The following TCF4 variants were observed in gnomAD, a reference collection of about 807,000 sequenced individuals.
TCF4 encodes transcription factor 4, also known as SL3-3 enhancer factor 2.
Under a neutral mutation model 82.1 loss-of-function variants are expected in TCF4, and 3 were observed. The observed-to-expected ratio is 0.04, with a 90% CI of 0.02 to 0.09. The LOEUF (loss-of-function observed/expected upper bound fraction) is 0.09. TCF4 is among the 10% of genes least tolerant of loss of function. The pLI, the probability that TCF4 is intolerant of heterozygous loss-of-function variation, is 1.00. For missense variants in TCF4, 518 were observed against 852.7 expected (o/e 0.61, Z 4.89); for synonymous variants, 276 against 309.6 (o/e 0.89, Z 1.14).
intron 6 of TCF4, among the ~76,000 whole-genome samples, chr18:55,358,117 T>C (rs2084061504): frequency 6.6e-6 from 1 of 152,212 alleles, no homozygotes; most frequent in African/African-American, 2.4e-5. Flanking sequence ...AACTAGAGGA[T>C]ATGGCAGCTA....
intron 8 of TCF4, among the ~76,000 whole-genome samples, chr18:55,348,919 G>A (rs1434841188): frequency 1.3e-5 from 2 of 152,090 alleles, no homozygotes; most frequent in Non-Finnish European, 2.9e-5. Context: ...TGTTTAAAAT[G>A]TAAACAGCTG....
intron 15 of TCF4, among the ~76,000 whole-genome samples, chr18:55,241,098 A>G (rs753230916): frequency 7.2e-5 from 11 of 152,234 alleles, no homozygotes; most frequent in Non-Finnish European, 1.5e-4. Flanking sequence ...CTATCATATG[A>G]TCAGCTGGGC....
intron 3 of TCF4, among the ~76,000 whole-genome samples, chr18:55,523,038 A>C (rs146522220): frequency 1.3e-5 from 2 of 152,228 alleles, no homozygotes; most frequent in Admixed American, 6.5e-5. Flanking sequence ...ATAAAACTAG[A>C]AAACAGTTAT....
chr18:55,528,892 C>A (rs1269081337), intron 3 of TCF4, among the ~76,000 whole-genome samples: 1 of 152,106 alleles, frequency 6.6e-6, no homozygotes, highest in Admixed American at 6.5e-5. Flanking sequence ...CAACAAAAGA[C>A]CTTGGCTGGA....
At chr18:55,524,314 G>T (rs1242691090) in intron 3 of TCF4, among the ~76,000 whole-genome samples, 1 of 151,704 alleles carries the variant, frequency 6.6e-6, no homozygotes, top group Non-Finnish European at 1.5e-5. Flanking sequence ...CATTTGTGCT[G>T]AGTGTATATT....
At chr18:55,314,733 G>T (rs771190039) in intron 8 of TCF4, among the ~76,000 whole-genome samples, 1 of 151,512 alleles carries the variant, frequency 6.6e-6, no homozygotes, top group Non-Finnish European at 1.5e-5. Flanking sequence ...ACACTAGATG[G>T]CTGACAATAA....
chr18:55,246,913 T>A (rs1209255787), intron 15 of TCF4, among the ~76,000 whole-genome samples: 1 of 152,158 alleles, frequency 6.6e-6, no homozygotes, highest in African/African-American at 2.4e-5. Flanking sequence ...CACCAATAGC[T>A]TGGGTGAAAT....
chr18:55,261,239 T>A, intron 12 of TCF4: 1 of 589,352 alleles, frequency 1.7e-6, no homozygotes, highest in East Asian at 2.9e-5. Context: ...CCCACATCCA[T>A]AATTGAGTGC....
intron 3 of TCF4, among the ~76,000 whole-genome samples, chr18:55,560,594 T>C (rs2097346722): frequency 1.3e-5 from 2 of 152,142 alleles, no homozygotes; most frequent in African/African-American, 4.8e-5. Context: ...GCAACTGACA[T>C]ATGTGGACAT....
Position 55,275,716 on chromosome 18 carries a change from C to T in TCF4, c.692G>A (p.Ser231Asn), listed in dbSNP as rs2061383627. 6.2e-7 allele frequency: 1 copy of T among 1,613,878 alleles called. No individual in the cohort carries two copies. Among genetic ancestry groups the T allele is most frequent in the Non-Finnish European group, 8.5e-7 (1 of 1,179,794 alleles). ...TGCATAGCCAGGCTGATTCATCCCA[C>T]TGGAGGAGCTCCAAGGGTCACTGCT... ...HHSSDPWSSS[S>N]GMNQPGYAGM... Residue 231 changes from serine to asparagine, a missense_variant, in exon 10 of 20, where the codon AGT becomes AAT. By Grantham distance (46) the Ser-to-Asn change is conservative. Around this residue, in one of 7 missense-constraint regions of TCF4, gnomAD observed 211 missense variants for 327.4 expected, o/e 0.64. Coordinates refer to ENST00000354452, the MANE Select transcript of TCF4 (RefSeq NM_001083962.2).
At chr18:55,448,503 A>G (rs964881260) in intron 5 of TCF4, among the ~76,000 whole-genome samples, 2 of 152,198 alleles carry the variant, frequency 1.3e-5, no homozygotes, top group African/African-American at 4.8e-5. Flanking sequence ...AAATGCAAAG[A>G]TTTTCCCATA....
chr18:55,241,368 C>T (rs570782649), intron 15 of TCF4, among the ~76,000 whole-genome samples: 2 of 152,356 alleles, frequency 1.3e-5, no homozygotes, highest in East Asian at 1.9e-4. Flanking sequence ...GCCCATTCCT[C>T]TATCTCTTCC....
At chr18:55,476,265 G>A (rs1219009642) in intron 3 of TCF4, among the ~76,000 whole-genome samples, 1 of 152,126 alleles carries the variant, frequency 6.6e-6, no homozygotes, top group Non-Finnish European at 1.5e-5. Flanking sequence ...CACATTTAGA[G>A]AGCAGGTATA....
intron 11 of TCF4, among the ~76,000 whole-genome samples, chr18:55,263,550 G>A (rs546628286): frequency 5.9e-5 from 9 of 152,024 alleles, no homozygotes; most frequent in African/African-American, 9.7e-5. Context: ...GCAGTGAGCC[G>A]AGATTGAGAT....
upstream of TCF4, chr18:55,589,741 GATA>G (rs2097680290): frequency 4.9e-6 from 5 of 1,020,222 alleles, no homozygotes; most frequent in South Asian, 4.6e-5. Flanking sequence ...GAGTCACATT[GATA>G]ATAATAGGTT....
intron 5 of TCF4, chr18:55,422,626 G>A: frequency 3.3e-6 from 1 of 302,586 alleles, no homozygotes; most frequent in Non-Finnish European, 4.9e-6. Context: ...TAGTGTGTGT[G>A]TGTGTTTTTT....
chr18:55,334,555 C>T (rs985628241), intron 8 of TCF4, among the ~76,000 whole-genome samples: 2 of 152,098 alleles, frequency 1.3e-5, no homozygotes, highest in Non-Finnish European at 2.9e-5. Flanking sequence ...CTCTTACCTA[C>T]TTAAAATTTA....
intron 8 of TCF4, chr18:55,302,763 C>T: frequency 1.6e-6 from 1 of 621,002 alleles, no homozygotes. Flanking sequence ...GAGGCGTCCC[C>T]TGGATAAAGC....
intron 17 of TCF4, 93 bp from the exon 18 acceptor site, chr18:55,229,169 C>A (rs1013836043): frequency 3.8e-5 from 55 of 1,434,616 alleles, no homozygotes; most frequent in Admixed American, 1.9e-4. Flanking sequence ...TTTCAGGGAA[C>A]TTTTCCATCT....
Sources: gnomAD v4.1 joint callset for allele counts (sites outside exome capture counted in the v4.1 genomes callset) on GRCh38, gnomAD v4.1.1 for gene constraint, gnomAD v4.1.1 regional missense constraint, MANE v1.5 for transcripts, NCBI Gene and HGNC (gene_info 2026-07-23, HGNC 2026-07-21) for gene names.